The following METTL15 variants were observed in gnomAD, a reference collection of about 807,000 sequenced individuals.
METTL15 encodes the protein methyltransferase 15, mitochondrial 12S rRNA N4-cytidine, also known as 12S rRNA N(4)-cytidine methyltransferase METTL15.
A neutral mutation model predicts 38.3 loss-of-function variants in METTL15; 34 were observed. That is an observed-to-expected ratio of 0.89 (90% CI 0.68 to 1.18). The LOEUF is 1.18. Among genes scored for constraint, METTL15 ranks in the 50% most tolerant of loss-of-function variants. The probability of loss-of-function intolerance (pLI) is 0.00; values close to 1 mark genes in which losing one functional copy is unlikely to be tolerated. For synonymous variants in METTL15, 162 were observed against 170.9 expected, an observed-to-expected ratio of 0.95 and a Z score of 0.41; for missense variants, 438 against 498.4, an observed-to-expected ratio of 0.88 and a Z score of 1.15.
intron 4 of METTL15, among the ~76,000 whole-genome samples, chr11:28,260,040 C>T (rs529527288): frequency 6.6e-6 from 1 of 152,188 alleles, no homozygotes; most frequent in Non-Finnish European, 1.5e-5. Context: ...AAACTGCCAT[C>T]ATCTGTAGCC....
At position 28,232,503 on chromosome 11, in the gene METTL15, A is replaced by C. The variant is rs551233023; in HGVS notation, c.407+21305A>C. Among the ~76,000 whole-genome samples, 10 of 151,888 alleles carry C rather than the reference A, an allele frequency of 6.6e-5. 1 individual carries two copies. The highest frequency in any genetic ancestry group is 2.4e-4 in the African/African-American group (10 of 41,528). On this transcript the variant is annotated intron_variant, in intron 4 of 6. Coordinates refer to ENST00000407364, the MANE Select transcript of METTL15 (RefSeq NM_001113528.2). The stretch of plus-strand genomic sequence containing the variant: ...ATTTTTTCTTTGAAAGAAAAAGTAT[A>C]CTATATAATAGTAAGTTATTAAATA...
At chr11:28,448,526 A>G (rs552059864) in intron 6 of METTL15, among the ~76,000 whole-genome samples, 11 of 152,276 alleles carry the variant, frequency 7.2e-5, no homozygotes, top group East Asian at 1.9e-4. Flanking sequence ...CCCATCAGAC[A>G]CCAAGCAGTT....
intron 5 of METTL15, among the ~76,000 whole-genome samples, chr11:28,407,753 C>G (rs1216233827): frequency 6.6e-6 from 1 of 152,088 alleles, no homozygotes. Flanking sequence ...TGTGTTGATT[C>G]CTGAAAGACC....
intron 4 of METTL15, among the ~76,000 whole-genome samples, chr11:28,255,767 G>A (rs539290325): frequency 5.7e-4 from 87 of 152,208 alleles, no homozygotes; most frequent in African/African-American, 2.1e-3. Flanking sequence ...GTAATGGCAC[G>A]ACCTTGGCTC....
intron 6 of METTL15, among the ~76,000 whole-genome samples, chr11:28,509,308 G>T (rs1215507167): frequency 6.6e-6 from 1 of 152,142 alleles, no homozygotes; most frequent in Non-Finnish European, 1.5e-5. Flanking sequence ...AATGTCTGAA[G>T]CATTTTGACA....
intron 6 of METTL15, among the ~76,000 whole-genome samples, chr11:28,304,961 A>C (rs1857031794): frequency 6.6e-6 from 1 of 152,210 alleles, no homozygotes; most frequent in South Asian, 2.1e-4. Context: ...TCAAACCTAC[A>C]GTTGAATTTG....
chr11:28,244,135 C>G (rs568452534), intron 4 of METTL15, among the ~76,000 whole-genome samples: 1 of 152,226 alleles, frequency 6.6e-6, no homozygotes, highest in Non-Finnish European at 1.5e-5. Context: ...GAACATACAA[C>G]TAAAAAGCAA....
intron 5 of METTL15, among the ~76,000 whole-genome samples, chr11:28,375,775 A>G: frequency 6.6e-6 from 1 of 151,332 alleles, no homozygotes; most frequent in East Asian, 1.9e-4. Context: ...TCAATTTTGG[A>G]TCTTTCCTGC....
downstream of METTL15, among the ~76,000 whole-genome samples, chr11:28,335,569 C>T (rs1849893829): frequency 6.6e-6 from 1 of 152,106 alleles, no homozygotes; most frequent in South Asian, 2.1e-4. Flanking sequence ...GAAATTTAAC[C>T]TCCAATGTTA....
At chr11:28,472,489 G>C (rs887748397) in intron 6 of METTL15, among the ~76,000 whole-genome samples, 4 of 152,132 alleles carry the variant, frequency 2.6e-5, no homozygotes, top group Non-Finnish European at 5.9e-5. Context: ...TTCTAAAGTA[G>C]ATTCCATGAA....
intron 3 of METTL15, among the ~76,000 whole-genome samples, chr11:28,126,872 C>A (rs907725857): frequency 2.0e-5 from 3 of 151,828 alleles, no homozygotes; most frequent in Non-Finnish European, 4.4e-5. Flanking sequence ...CTTAGATCTC[C>A]GAACAGGAGG....
At chr11:28,200,230 C>G (rs755825965) in intron 3 of METTL15, among the ~76,000 whole-genome samples, 3 of 152,226 alleles carry the variant, frequency 2.0e-5, no homozygotes, top group Non-Finnish European at 4.4e-5. Flanking sequence ...TCCATCTCTG[C>G]CATTCATTAG....
At chr11:28,208,013 A>T (rs1353668354) in intron 3 of METTL15, among the ~76,000 whole-genome samples, 1 of 151,884 alleles carries the variant, frequency 6.6e-6, no homozygotes, top group African/African-American at 2.4e-5. Context: ...CTTCTTTATT[A>T]GTCTTGCTAG....
chr11:28,389,984 G>A (rs900323027), intron 5 of METTL15, among the ~76,000 whole-genome samples: 6 of 152,088 alleles, frequency 3.9e-5, no homozygotes, highest in African/African-American at 1.4e-4. Flanking sequence ...GATGGCCAGT[G>A]ATGACGAGCA....
intron 3 of METTL15, among the ~76,000 whole-genome samples, chr11:28,174,781 C>G (rs1227780783): frequency 1.4e-5 from 2 of 145,414 alleles, no homozygotes; most frequent in African/African-American, 5.1e-5. Flanking sequence ...CGCCACTGCA[C>G]TCCAGCCTGG....
At chr11:28,453,670 A>G (rs1009034392) in intron 6 of METTL15, among the ~76,000 whole-genome samples, 2 of 152,232 alleles carry the variant, frequency 1.3e-5, no homozygotes, top group South Asian at 2.1e-4. Context: ...AGAACTAGGA[A>G]AATAACCACA....
At chr11:28,122,369 GTGTATATA>G (rs1238922274) in intron 3 of METTL15, among the ~76,000 whole-genome samples, 2 of 59,326 alleles carry the variant, frequency 3.4e-5, no homozygotes, top group Non-Finnish European at 3.1e-5. Context: ...GTGTGTGTGT[GTGTATATA>G]TATATATATA....
chr11:28,235,418 T>C (rs1355240712), intron 4 of METTL15, among the ~76,000 whole-genome samples: 3 of 151,942 alleles, frequency 2.0e-5, no homozygotes, highest in Non-Finnish European at 2.9e-5. Context: ...TTTCACGATA[T>C]TGATTCTTCC....
intron 4 of METTL15, among the ~76,000 whole-genome samples, chr11:28,251,508 A>G (rs1590219159): frequency 6.6e-6 from 1 of 151,994 alleles, no homozygotes; most frequent in African/African-American, 2.4e-5. Flanking sequence ...GGGCTCTGAG[A>G]TTTTCATGCC....
Sources: gnomAD v4.1 joint callset for allele counts (sites outside exome capture counted in the v4.1 genomes callset) on GRCh38, gnomAD v4.1.1 for gene constraint, MANE v1.5 for transcripts, NCBI Gene and HGNC (gene_info 2026-07-23, HGNC 2026-07-21) for gene names.